MYO15A: variants seen among roughly 807,000 people sequenced by gnomAD.
MYO15A encodes unconventional myosin-XV.
A neutral mutation model predicts 394.6 loss-of-function variants in MYO15A; 308 were observed. The observed-to-expected ratio is 0.78, with a 90% CI of 0.71 to 0.86. MYO15A has a LOEUF of 0.86. Among genes scored for constraint, MYO15A ranks in the 40% least tolerant of loss-of-function variants. The probability of loss-of-function intolerance (pLI) is 0.00; values close to 1 mark genes in which losing one functional copy is unlikely to be tolerated. For missense variants in MYO15A, 4,606 were observed against 4,799.1 expected, an observed-to-expected ratio of 0.96 and a Z score of 1.19; for synonymous variants, 1,957 against 2,003.8, an observed-to-expected ratio of 0.98 and a Z score of 0.62.
rs369888022 is a variant in MYO15A at position 18,169,157 on chromosome 17, T to TAATAATAAAAAA, written c.10082+1436_10082+1437insTAATAAAAAAAA. On this transcript the variant is annotated intron_variant, in intron 62 of 65. Coordinates refer to ENST00000647165, the MANE Select transcript of MYO15A (RefSeq NM_016239.4). ...ATAATAATAATAATAATAATAATAA[T>TAATAATAAAAAA]AAAAATAGGCTGGGCACAGTGGCTC... is the stretch of plus-strand genomic sequence containing the variant. 7.6e-5 allele frequency among the ~76,000 whole-genome samples: 7 copies of TAATAATAAAAAA among 92,132 alleles called. No homozygotes were observed. The South Asian group carries it at 9.5e-4, about 13-fold the overall frequency. 60.4% of individuals were successfully genotyped at this position (92,132 alleles called of 152,430 possible).
rs149852289 is a variant in MYO15A at position 18,115,623 on chromosome 17, A to G, written c.-219-2959A>G. 5.1e-3 allele frequency among the ~76,000 whole-genome samples: 769 copies of G among 152,232 alleles called. 4 individuals carry two copies. The highest frequency in any genetic ancestry group is 8.6e-3 in the Non-Finnish European group (583 of 67,988). On this transcript the variant is annotated intron_variant, in intron 1 of 65. Coordinates refer to ENST00000647165, the MANE Select transcript of MYO15A (RefSeq NM_016239.4). Reference sequence around the variant, plus strand: ...GCACAGCGAGACTCTGTCTCAAAAAAAAAAGACTGAGGTCGAATTCCATCC... The same window carrying G: ...GCACAGCGAGACTCTGTCTCAAAAAGAAAAGACTGAGGTCGAATTCCATCC...
intron 56 of MYO15A, chr17:18,160,600 G>A (rs2046760011): frequency 5.2e-6 from 1 of 192,272 alleles, no homozygotes; most frequent in Admixed American, 5.3e-5. Flanking sequence ...GCCTATCCCT[G>A]GGCCAATCAC....
intron 38 of MYO15A, 74 bp from the exon 39 acceptor site, chr17:18,151,036 G>A: frequency 1.9e-6 from 3 of 1,609,542 alleles, no homozygotes; most frequent in Non-Finnish European, 2.5e-6. Flanking sequence ...ACCCATCTCT[G>A]ACAGAGATCT....
intron 29 of MYO15A, among the ~76,000 whole-genome samples, chr17:18,144,932 A>G (rs1385295409): frequency 6.6e-6 from 1 of 152,156 alleles, no homozygotes; most frequent in Non-Finnish European, 1.5e-5. Flanking sequence ...CAGTATGGAC[A>G]GAGGGAAGCA....
chr17:18,116,647 G>A (rs1026118148), intron 1 of MYO15A, among the ~76,000 whole-genome samples: 1 of 146,198 alleles, frequency 6.8e-6, no homozygotes, highest in South Asian at 2.2e-4. Context: ...TCGGCTGGGC[G>A]CCGTGGCTCA....
In MYO15A at chr17:18,173,935, TA is replaced by T. The variant is rs1439217389; in HGVS notation, c.10491+16del. The T allele has an allele frequency of 6.2e-7, 1 of 1,611,984 alleles. No homozygotes were observed. Among genetic ancestry groups the T allele is most frequent in the Non-Finnish European group, 8.5e-7 (1 of 1,179,398 alleles). On this transcript the variant is annotated intron_variant, in intron 65 of 65. Transcript: ENST00000647165. ...CAGCTGGAGCAGGTGGGCCCAGCGC[TA>T]AGTCCAACATTCCACTCACTGGGCC... is the stretch of plus-strand genomic sequence containing the variant.
At position 18,121,870 on chromosome 17, in the gene MYO15A, C is replaced by T. The variant is rs369693669; in HGVS notation, c.3070C>T (p.Pro1024Ser). 3.7e-6 allele frequency: 6 copies of T among 1,612,954 alleles called. No homozygotes were observed. The highest frequency in any genetic ancestry group is 5.1e-6 in the Non-Finnish European group (6 of 1,179,922). ...GGCCACCCTGGGGGACCCCCAGCTGCCAGCAGAGACCAAGCCTCCAACCCC... is the reference window on the plus strand; with the variant it reads ...GGCCACCCTGGGGGACCCCCAGCTGTCAGCAGAGACCAAGCCTCCAACCCC... ...EEATLGDPQL[P>S]AETKPPTPAP... The change falls in exon 2 of 66, where the codon CCA (proline) becomes TCA (serine). Residue 1024 changes from proline to serine, a missense_variant. Pro to Ser is a moderately conservative substitution (Grantham distance 74). Coordinates refer to ENST00000647165, the MANE Select transcript of MYO15A (RefSeq NM_016239.4). This position sits in a 1 kb window ranked among gnomAD's most constrained non-coding sequence, Gnocchi z 5.3.
At chr17:18,176,342 C>T (rs923735346) in intron 65 of MYO15A, among the ~76,000 whole-genome samples, 7 of 152,024 alleles carry the variant, frequency 4.6e-5, no homozygotes, top group Admixed American at 4.6e-4. Flanking sequence ...GCAGGCACAT[C>T]ACGTGGCAAG....
chr17:18,151,524 T>G lies in MYO15A; in HGVS notation c.7784T>G (p.Leu2595Arg). 6.2e-7 allele frequency: 1 copy of G among 1,613,938 alleles called. No homozygotes were observed. Among genetic ancestry groups the G allele is most frequent in the Non-Finnish European group, 8.5e-7 (1 of 1,179,978 alleles). Residue 2595 changes from leucine (L) to arginine (R), a missense_variant, in exon 40 of 66, where the codon CTC (leucine) becomes CGC (arginine). Physicochemically the swap from Leu to Arg is moderately radical, Grantham distance 102. Transcript: ENST00000647165. ...QPFRGGRPEA[L>R]RKDGGKVFMK... ...TTCCGGGGAGGCCGGCCTGAGGCCCTCAGGTCAGCACTGCCCCTGCCCCCA... is the reference window on the plus strand; with the variant it reads ...TTCCGGGGAGGCCGGCCTGAGGCCCGCAGGTCAGCACTGCCCCTGCCCCCA...
chr17:18,150,415 C>A lies in MYO15A; in HGVS notation c.7213-14C>A. ...AATAATGAGATGGTCACTTGAGCCACCCACTGCCCCCAGGACCTGGAGAAG... is the reference window on the plus strand; with the variant it reads ...AATAATGAGATGGTCACTTGAGCCAACCACTGCCCCCAGGACCTGGAGAAG... On this transcript the variant is annotated splice_polypyrimidine_tract_variant and intron_variant, in intron 35 of 65. Transcript: ENST00000647165. The surrounding 1 kb of genome is among the most constrained non-coding windows in gnomAD (Gnocchi z 4.4). 1 of 1,612,092 alleles carries A rather than the reference C, an allele frequency of 6.2e-7. No individual in the cohort carries two copies. Among genetic ancestry groups the A allele is most frequent in the Non-Finnish European group, 8.5e-7 (1 of 1,178,176 alleles).
chr17:18,164,089 G>A, intron 60 of MYO15A: 1 of 556,588 alleles, frequency 1.8e-6, no homozygotes, highest in Admixed American at 2.9e-5. Flanking sequence ...TGTCCCTCAG[G>A]ACATGCTCAA....
chr17:18,158,869 A>C, intron 52 of MYO15A, 56 bp from the exon 53 acceptor site: 6 of 1,598,226 alleles, frequency 3.8e-6, no homozygotes, highest in Non-Finnish European at 5.1e-6. Context: ...CATGTGGAAA[A>C]GGATGTAGCC....
chr17:18,112,198 C>CCTGCTTCTCCCCAGCAAGT (rs2045730484), intron 1 of MYO15A, among the ~76,000 whole-genome samples: 1 of 151,780 alleles, frequency 6.6e-6, no homozygotes, highest in Admixed American at 6.6e-5. Context: ...CCAGCCCTGC[C>CCTGCTTCTCCCCAGCAAGT]CTGCTTCTCC....
In MYO15A at chr17:18,120,903, G is replaced by A. The variant is rs764581419; in HGVS notation, c.2103G>A (p.Pro701=). The A allele has an allele frequency of 7.8e-6, 11 of 1,406,330 alleles. No individual in the cohort carries two copies. The African/African-American group carries it at 1.5e-4, about 19-fold the overall frequency. The allele number at this position is 1,406,330 out of a possible 1,614,324, so 87.1% of individuals were successfully genotyped here. Residue 701 remains proline, a synonymous_variant, in exon 2 of 66, where the codon CCG becomes CCA. Transcript: ENST00000647165. ...CCTACGGCTCCCTCCGCCGCCACCC[G>A]CCGCCCTGGGCCGCCCCAGCGCACG... ...ASPYGSLRRH[P]PPWAAPAHVP... is the part of the protein sequence containing the mutation.
In MYO15A at chr17:18,153,702, A is replaced by AATAT. The variant is rs748830633; in HGVS notation, c.7967-62_7967-59dup. ...GACAACAGCGAAACTCCGTCTCAAAAATATATATATATATTAATTAAATAA... is the reference window on the plus strand; with the variant it reads ...GACAACAGCGAAACTCCGTCTCAAAAATATATATATATATATATTAATTAAATAA... On this transcript the variant is annotated intron_variant, in intron 42 of 65. Coordinates refer to ENST00000647165, the MANE Select transcript of MYO15A (RefSeq NM_016239.4). This position sits in a 1 kb window ranked among gnomAD's most constrained non-coding sequence, Gnocchi z 4.1. 7.8e-7 allele frequency: 1 copy of AATAT among 1,288,476 alleles called. No homozygotes were observed. Among genetic ancestry groups the AATAT allele is most frequent in the Non-Finnish European group, 1.0e-6 (1 of 999,448 alleles). 79.8% of individuals were successfully genotyped at this position (1,288,476 alleles called of 1,614,324 possible). A position where few individuals can be genotyped will look rare whatever the true frequency, so the allele number is the denominator to read the frequency against.
chr17:18,151,339 G>A (rs185875797), intron 39 of MYO15A, 49 bp downstream of exon 39: 1 of 1,614,194 alleles, frequency 6.2e-7, no homozygotes, highest in East Asian at 2.2e-5. Flanking sequence ...AGGCCTGGTG[G>A]TGTGGTTGTG....
chr17:18,109,559 G>C (rs1281094160), intron 1 of MYO15A: 1 of 152,256 alleles, frequency 6.6e-6, no homozygotes, highest in African/African-American at 2.4e-5. Context: ...TTTAGGGCTG[G>C]GGAAGCTCCC....
chr17:18,150,652 G>A lies in MYO15A; in HGVS notation c.7328-46G>A, dbSNP rs186118228. On this transcript the variant is annotated intron_variant, in intron 36 of 65. Coordinates refer to ENST00000647165, the MANE Select transcript of MYO15A (RefSeq NM_016239.4). The surrounding 1 kb of genome is among the most constrained non-coding windows in gnomAD (Gnocchi z 4.4). ...TGATGGGGGCTGAGAGGACAGGGAGGAGGGCATCTCCGGTGCCATCTGTGC... is the reference window on the plus strand; with the variant it reads ...TGATGGGGGCTGAGAGGACAGGGAGAAGGGCATCTCCGGTGCCATCTGTGC... 6.4e-4 allele frequency: 1,024 copies of A among 1,598,166 alleles called. 3 individuals are homozygous for A. Among genetic ancestry groups the A allele is most frequent in the Non-Finnish European group, 6.4e-4 (754 of 1,171,132 alleles).
chr17:18,151,909 G>A lies in MYO15A; in HGVS notation c.7851G>A (p.Leu2617=). ...PDPHEEALMI[L]KGQMTHLAAA... is the part of the protein sequence containing the mutation. ...CTCATGAGGAGGCCCTGATGATCCT[G>A]AAAGGGCAGATGACCCACCTGGCAG... is the stretch of plus-strand genomic sequence containing the variant. Residue 2617 remains leucine, a synonymous_variant, in exon 41 of 66, where the codon CTG becomes CTA. Transcript: ENST00000647165. 4 of 1,573,384 alleles carry A rather than the reference G, an allele frequency of 2.5e-6. No individual in the cohort carries two copies. The highest frequency in any genetic ancestry group is 3.5e-6 in the Non-Finnish European group (4 of 1,159,158).
Sources: gnomAD v4.1 joint callset for allele counts (sites outside exome capture counted in the v4.1 genomes callset) on GRCh38, gnomAD v4.1.1 for gene constraint, Gnocchi (gnomAD v3.1) non-coding constraint, MANE v1.5 for transcripts, NCBI Gene and HGNC (gene_info 2026-07-23, HGNC 2026-07-21) for gene names.